Variants in TYW1B observed in about 807,000 individuals in gnomAD.
TYW1B encodes the protein tRNA-yW synthesizing protein 1 homolog B, also known as S-adenosyl-L-methionine-dependent tRNA 4-demethylwyosine synthase TYW1B.
Under a neutral mutation model 86.9 loss-of-function variants are expected in TYW1B, and 73 were observed. That is an observed-to-expected ratio of 0.84 (90% CI 0.70 to 1.02). The LOEUF (loss-of-function observed/expected upper bound fraction) is 1.02. Ranked by LOEUF, TYW1B falls within the 50% of genes least tolerant of loss-of-function variation. TYW1B has a pLI of 0.00. For synonymous variants in TYW1B, 248 were observed against 292.8 expected, an observed-to-expected ratio of 0.85 and a Z score of 1.56; for missense variants, 637 against 827.4, an observed-to-expected ratio of 0.77 and a Z score of 2.82.
intron 13 of TYW1B, among the ~76,000 whole-genome samples, chr7:72,607,607 G>C (rs1811834443): frequency 1.3e-5 from 2 of 151,866 alleles, no homozygotes; most frequent in Admixed American, 1.3e-4. Flanking sequence ...CAACAGAATG[G>C]AAGAGTAAAA....
At chr7:72,674,107 C>A (rs1480907745) in intron 11 of TYW1B, among the ~76,000 whole-genome samples, 2 of 152,052 alleles carry the variant, frequency 1.3e-5, no homozygotes, top group African/African-American at 2.4e-5. Context: ...GGTACAACCC[C>A]ACTCCTCTCC....
intron 11 of TYW1B, among the ~76,000 whole-genome samples, chr7:72,687,253 T>A (rs1172661146): frequency 5.3e-5 from 8 of 152,228 alleles, no homozygotes; most frequent in Middle Eastern, 3.4e-3. Flanking sequence ...CTGACCAAAC[T>A]GGTGAAACCC....
At chr7:72,688,614 G>C (rs1366937499) in intron 11 of TYW1B, among the ~76,000 whole-genome samples, 11 of 152,088 alleles carry the variant, frequency 7.2e-5, no homozygotes, top group South Asian at 4.1e-4. Flanking sequence ...GTTCCCGCAG[G>C]CTCCCTCTTT....
chr7:72,595,783 A>C (rs1554432458), intron 13 of TYW1B, among the ~76,000 whole-genome samples: 1 of 152,232 alleles, frequency 6.6e-6, no homozygotes, highest in East Asian at 1.9e-4. Flanking sequence ...GAGATGGAAG[A>C]CTTGTACAAT....
At chr7:72,783,380 T>C (rs1187560047) in intron 6 of TYW1B, among the ~76,000 whole-genome samples, 11 of 83,650 alleles carry the variant, frequency 1.3e-4, no homozygotes, top group African/African-American at 4.7e-4. Flanking sequence ...CAAGACTTCA[T>C]CTCAAAAAAA....
At chr7:72,610,619 T>A (rs1369083279) in intron 13 of TYW1B, among the ~76,000 whole-genome samples, 2 of 152,168 alleles carry the variant, frequency 1.3e-5, no homozygotes, top group African/African-American at 4.8e-5. Flanking sequence ...CTGAGGGTTA[T>A]AACAGGTTTG....
chr7:72,784,862 A>G (rs1554472185), intron 6 of TYW1B, among the ~76,000 whole-genome samples: 1 of 151,734 alleles, frequency 6.6e-6, no homozygotes, highest in East Asian at 1.9e-4. Context: ...CCATTCTCCA[A>G]TTCAATCAAA....
At chr7:72,614,002 TG>T (rs1241457165) in intron 13 of TYW1B, among the ~76,000 whole-genome samples, 2 of 4,122 alleles carry the variant, frequency 4.9e-4, no homozygotes, top group Non-Finnish European at 1.1e-3. Flanking sequence ...ACATGTATGC[TG>T]GGGGGGTGGG....
intron 2 of TYW1B, among the ~76,000 whole-genome samples, chr7:72,821,510 T>C (rs549008173): frequency 6.6e-6 from 1 of 152,372 alleles, no homozygotes; most frequent in South Asian, 2.1e-4. Context: ...TTTACTTCCC[T>C]GAATACATGC....
intron 11 of TYW1B, among the ~76,000 whole-genome samples, chr7:72,680,625 G>A (rs1450958581): frequency 1.8e-4 from 27 of 152,210 alleles, no homozygotes; most frequent in Admixed American, 3.3e-4. Flanking sequence ...GTGATAGTGC[G>A]AGTCAATTCT....
chr7:72,738,463 TTA>T (rs1465641551), intron 8 of TYW1B, among the ~76,000 whole-genome samples: 9 of 152,088 alleles, frequency 5.9e-5, no homozygotes, highest in Admixed American at 5.9e-4. Context: ...GGCACACAGG[TTA>T]TTTCAACCTC....
intron 11 of TYW1B, among the ~76,000 whole-genome samples, chr7:72,632,355 T>TATATACACG (rs1491329360): frequency 4.2e-5 from 5 of 117,906 alleles, no homozygotes; most frequent in African/African-American, 1.8e-4. Context: ...ATTATATATA[T>TATATACACG]TATATATATA....
intron 13 of TYW1B, among the ~76,000 whole-genome samples, chr7:72,606,380 C>T (rs186323895): frequency 3.6e-3 from 548 of 151,948 alleles, no homozygotes; most frequent in Non-Finnish European, 5.4e-3. Flanking sequence ...CTGGTTATAA[C>T]GAGGCACCCC....
At chr7:72,640,250 G>A (rs554321781) in intron 11 of TYW1B, among the ~76,000 whole-genome samples, 46 of 151,994 alleles carry the variant, frequency 3.0e-4, no homozygotes, top group Middle Eastern at 3.4e-3. Flanking sequence ...ATCAATTATC[G>A]TATTTCATGC....
At chr7:72,589,976 T>C (rs1554431123) in intron 13 of TYW1B, among the ~76,000 whole-genome samples, 2 of 152,306 alleles carry the variant, frequency 1.3e-5, no homozygotes, top group East Asian at 3.9e-4. Flanking sequence ...TGAAGGAGAA[T>C]AGCAAAGTTA....
intron 9 of TYW1B, among the ~76,000 whole-genome samples, chr7:72,727,466 A>C (rs1236829260): frequency 2.6e-5 from 4 of 152,186 alleles, no homozygotes; most frequent in African/African-American, 9.7e-5. Context: ...TCACATGTAC[A>C]GTAGTGGTTC....
In TYW1B at chr7:72,728,508, T is replaced by C. The variant is rs570960788; in HGVS notation, c.1192+314A>G. Among the ~76,000 whole-genome samples, 8 of 152,240 alleles carry C rather than the reference T, an allele frequency of 5.3e-5. No homozygotes were observed. The South Asian group carries it at 1.5e-3, about 28-fold the overall frequency. The stretch of plus-strand genomic sequence containing the variant: ...ATTTAGTAGAGACGGGGTTTCACCA[T>C]GTTAGCCAGGCTCATCTCGAACTCC... On this transcript the variant is annotated intron_variant, in intron 9 of 13. Transcript: ENST00000620995.
intron 11 of TYW1B, among the ~76,000 whole-genome samples, chr7:72,675,572 T>TAC (rs563885862): frequency 4.7e-5 from 7 of 149,218 alleles, no homozygotes; most frequent in East Asian, 3.9e-4. Context: ...CATATATATA[T>TAC]ACACACACAC....
At chr7:72,792,945 T>A (rs1467384563) in intron 6 of TYW1B, among the ~76,000 whole-genome samples, 8 of 152,158 alleles carry the variant, frequency 5.3e-5, no homozygotes, top group South Asian at 2.1e-4. Flanking sequence ...AAGAATATTG[T>A]CAAACTGAAA....
Sources: gnomAD v4.1 joint callset for allele counts (sites outside exome capture counted in the v4.1 genomes callset) on GRCh38, gnomAD v4.1.1 for gene constraint, MANE v1.5 for transcripts, NCBI Gene and HGNC (gene_info 2026-07-23, HGNC 2026-07-21) for gene names.